Variants in ZNF385D observed in about 807,000 individuals in gnomAD.
ZNF385D encodes the protein zinc finger protein 385D, also known as zinc finger protein 659.
Under a neutral mutation model 35.8 loss-of-function variants are expected in ZNF385D, and 15 were observed. That is an observed-to-expected ratio of 0.42 (90% CI 0.28 to 0.64). The LOEUF (loss-of-function observed/expected upper bound fraction) is 0.64. Among genes scored for constraint, ZNF385D ranks in the 30% least tolerant of loss-of-function variants. The pLI, the probability that ZNF385D is intolerant of heterozygous loss-of-function variation, is 0.23. For missense variants in ZNF385D, 474 were observed against 494.6 expected (o/e 0.96, Z 0.39); for synonymous variants, 212 against 186.8 (o/e 1.13, Z -1.10).
At chr3:21,752,555 A>C (rs2070152315), upstream of ZNF385D, among the ~76,000 whole-genome samples, 1 of 152,202 alleles carries the variant, frequency 6.6e-6, no homozygotes, top group Admixed American at 6.5e-5. Flanking sequence ...GCTTAACTGT[A>C]TTCTACCTCT....
At chr3:22,265,655 G>A (rs1392643584) in intron 2 of ZNF385D, among the ~76,000 whole-genome samples, 2 of 151,920 alleles carry the variant, frequency 1.3e-5, no homozygotes, top group Non-Finnish European at 2.9e-5. Flanking sequence ...GTCACTGAGT[G>A]ATAGAATTTT....
At chr3:22,173,278 G>A (rs574511715) in intron 2 of ZNF385D, among the ~76,000 whole-genome samples, 17 of 152,096 alleles carry the variant, frequency 1.1e-4, no homozygotes, top group East Asian at 5.8e-4. Context: ...CATGGACATC[G>A]GAGGAAAAAT....
intron 2 of ZNF385D, among the ~76,000 whole-genome samples, chr3:22,256,726 T>G (rs187048388): frequency 6.6e-6 from 1 of 151,942 alleles, no homozygotes; most frequent in Non-Finnish European, 1.5e-5. Context: ...GTGCCATCTT[T>G]ATTATATATG....
At chr3:22,370,894 C>G (rs1477989984) in intron 2 of ZNF385D, among the ~76,000 whole-genome samples, 2 of 152,120 alleles carry the variant, frequency 1.3e-5, no homozygotes, top group Non-Finnish European at 2.9e-5. Context: ...TCAGAAGCCC[C>G]GATTTTTGCC....
rs148149110 is a variant in ZNF385D at position 22,332,486 on chromosome 3, T to C, written c.106+39964A>G. 8.2e-4 allele frequency among the ~76,000 whole-genome samples: 125 copies of C among 152,286 alleles called. 1 individual carries two copies. The highest frequency in any genetic ancestry group is 1.4e-3 in the Non-Finnish European group (94 of 68,004). On this transcript the variant is annotated intron_variant, in intron 2 of 5. Coordinates refer to the ZNF385D transcript ENST00000494108. ...AAGAAGGCATGGTGGTTATGAATTATGAGTAGAAAGTAATCAGGCTTTAAT... is the reference window on the plus strand; with the variant it reads ...AAGAAGGCATGGTGGTTATGAATTACGAGTAGAAAGTAATCAGGCTTTAAT...
chr3:21,471,213 G>A (rs1158482057), intron 4 of ZNF385D, among the ~76,000 whole-genome samples: 3 of 150,734 alleles, frequency 2.0e-5, no homozygotes, highest in Admixed American at 6.6e-5. Flanking sequence ...CTTCCTTCCA[G>A]GATTCATTTC....
intron 2 of ZNF385D, among the ~76,000 whole-genome samples, chr3:22,229,127 A>G (rs1698734793): frequency 6.6e-6 from 1 of 152,182 alleles, no homozygotes; most frequent in Admixed American, 6.5e-5. Flanking sequence ...CTGTCCCTCT[A>G]AAGAACCCTG....
At chr3:21,960,814 A>G (rs1252441617) in intron 3 of ZNF385D, among the ~76,000 whole-genome samples, 1 of 152,176 alleles carries the variant, frequency 6.6e-6, no homozygotes, top group African/African-American at 2.4e-5. Context: ...TATTAAGTGA[A>G]ATAAGTCAGG....
chr3:21,437,040 T>C lies in ZNF385D; in HGVS notation c.603A>G (p.Lys201=). 1 of 1,613,916 alleles carries C rather than the reference T, an allele frequency of 6.2e-7. No individual in the cohort carries two copies. The highest frequency in any genetic ancestry group is 8.5e-7 in the Non-Finnish European group (1 of 1,179,886). The part of the protein sequence containing the change: ...PSTETEEEKA[K]RLLYCSLCKV... ...TGCATAGCGAACAGTAAAGAAGCCG[T>C]TTTGCCTTTTCTTCCTCGGTCTCAG... Residue 201 remains lysine (K), a synonymous_variant, in exon 5 of 8, where the codon AAA becomes AAG. Coordinates refer to ENST00000281523, the MANE Select transcript of ZNF385D (RefSeq NM_024697.3).
chr3:21,448,114 T>A (rs559135957), intron 4 of ZNF385D, among the ~76,000 whole-genome samples: 2 of 152,274 alleles, frequency 1.3e-5, no homozygotes, highest in South Asian at 2.1e-4. Context: ...GTAACCGATA[T>A]GCACTTGCCA....
intron 3 of ZNF385D, among the ~76,000 whole-genome samples, chr3:21,826,266 G>C (rs558592504): frequency 3.5e-4 from 53 of 152,296 alleles, no homozygotes; most frequent in Non-Finnish European, 5.6e-4. Context: ...GGAATGGCTG[G>C]TACGTAGGAG....
At chr3:21,976,551 G>A (rs936960784) in intron 3 of ZNF385D, among the ~76,000 whole-genome samples, 2 of 152,154 alleles carry the variant, frequency 1.3e-5, no homozygotes, top group Non-Finnish European at 2.9e-5. Context: ...GAAGAGTACA[G>A]GAGACATATG....
intron 7 of ZNF385D, among the ~76,000 whole-genome samples, chr3:21,422,332 C>CT (rs1169692744): frequency 6.6e-6 from 1 of 152,136 alleles, no homozygotes; most frequent in Middle Eastern, 3.2e-3. Flanking sequence ...AAAATTGTGT[C>CT]TTTACAGAAA....
intron 3 of ZNF385D, among the ~76,000 whole-genome samples, chr3:21,824,219 C>T (rs1439347378): frequency 2.0e-5 from 3 of 152,114 alleles, no homozygotes; most frequent in Non-Finnish European, 4.4e-5. Flanking sequence ...ACAGTGAAGG[C>T]CTGCCCCTCA....
chr3:21,839,654 G>T (rs1192342310), intron 3 of ZNF385D, among the ~76,000 whole-genome samples: 1 of 152,052 alleles, frequency 6.6e-6, no homozygotes, highest in Non-Finnish European at 1.5e-5. Context: ...TTATGGGTCA[G>T]CTCTGACTCC....
chr3:22,301,015 G>A (rs1172651273), intron 2 of ZNF385D, among the ~76,000 whole-genome samples: 1 of 151,952 alleles, frequency 6.6e-6, no homozygotes, highest in Non-Finnish European at 1.5e-5. Flanking sequence ...ACTCACAATA[G>A]CCAAGATACA....
rs75327961 is a variant in ZNF385D at position 22,158,170 on chromosome 3, C to A, written c.325+10647G>T. On this transcript the variant is annotated intron_variant, in intron 3 of 5. Transcript: ENST00000494108. ...ATCTCCGGTTTATAACCCCCAGATT[C>A]ATGGGTTCTTTATTTTCACTATTAG... Among the ~76,000 whole-genome samples, 716 of 152,200 alleles carry A rather than the reference C, an allele frequency of 4.7e-3. 5 individuals carry two copies. Among genetic ancestry groups the A allele is most frequent in the African/African-American group, 0.015 (630 of 41,552 alleles).
chr3:21,678,620 G>A (rs1228894121), intron 1 of ZNF385D, among the ~76,000 whole-genome samples: 1 of 152,060 alleles, frequency 6.6e-6, no homozygotes, highest in Admixed American at 6.6e-5. Flanking sequence ...GACTTAAATT[G>A]TAAAGATTAT....
intron 2 of ZNF385D, among the ~76,000 whole-genome samples, chr3:22,355,315 T>C (rs142249878): frequency 6.6e-6 from 1 of 152,172 alleles, no homozygotes; most frequent in African/African-American, 2.4e-5. Context: ...GTTTTTAATC[T>C]CTGGATATGT....
Sources: gnomAD v4.1 joint callset for allele counts (sites outside exome capture counted in the v4.1 genomes callset) on GRCh38, gnomAD v4.1.1 for gene constraint, MANE v1.5 for transcripts, NCBI Gene and HGNC (gene_info 2026-07-23, HGNC 2026-07-21) for gene names.